The following SETD5 variants were observed in gnomAD, a reference collection of about 807,000 sequenced individuals.
SETD5 encodes SET domain containing 5.
In SETD5, 44 loss-of-function variants were observed where a neutral mutation model predicts 153.3. That is an observed-to-expected ratio of 0.29 (90% CI 0.23 to 0.37). SETD5 has a LOEUF of 0.37. SETD5 is among the 10% of genes least tolerant of loss of function. The pLI is 1.00. For synonymous variants in SETD5, 716 were observed against 645.2 expected (o/e 1.11, Z -1.66); for missense variants, 1,544 against 1,768.0 (o/e 0.87, Z 2.27).
chr3:9,399,806 T>C (rs1165078704), intron 1 of SETD5, among the ~76,000 whole-genome samples: 1 of 149,020 alleles, frequency 6.7e-6, no homozygotes, highest in Non-Finnish European at 1.5e-5. Flanking sequence ...ATTCCAGCCC[T>C]TCTGGCATGG....
At chr3:9,402,319 G>A (rs935258738) in intron 1 of SETD5, among the ~76,000 whole-genome samples, 1 of 152,086 alleles carries the variant, frequency 6.6e-6, no homozygotes, top group African/African-American at 2.4e-5. Flanking sequence ...AATAAACAAT[G>A]AAGGTAAGCT....
At chr3:9,441,200 C>A (rs2041242019) in intron 8 of SETD5, among the ~76,000 whole-genome samples, 1 of 152,056 alleles carries the variant, frequency 6.6e-6, no homozygotes, top group Non-Finnish European at 1.5e-5. Flanking sequence ...AAGAGTGAGA[C>A]CCTGGCTCTA....
In SETD5 at chr3:9,425,377, T is replaced by G. The variant is rs1162752; in HGVS notation, c.-117+851T>G. 4.1e-3 allele frequency among the ~76,000 whole-genome samples: 630 copies of G among 152,254 alleles called. 1 individual carries two copies. Among genetic ancestry groups the G allele is most frequent in the Middle Eastern group, 6.8e-3 (2 of 294 alleles). On this transcript the variant is annotated intron_variant, in intron 2 of 22. Coordinates refer to ENST00000402198, the MANE Select transcript of SETD5 (RefSeq NM_001080517.3). ...CTGCACCGGGCTGACTTAATGTTTC[T>G]TAAGGATTCATCAACTATCCAAAAT...
Position 9,434,195 on chromosome 3 carries a change from C to G in SETD5, c.178-139C>G, listed in dbSNP as rs1316288657. ...AAAAAACAAAGGGTACTACTTTCTT[C>G]TTTCTTTCCATATGTACCATACTTT... On this transcript the variant is annotated intron_variant, in intron 4 of 22. Coordinates refer to ENST00000402198, the MANE Select transcript of SETD5 (RefSeq NM_001080517.3). This position sits in a 1 kb window ranked among gnomAD's most constrained non-coding sequence, Gnocchi z 5.6. The G allele has an allele frequency of 6.5e-7, 1 of 1,550,188 alleles. No individual in the cohort carries two copies. The highest frequency in any genetic ancestry group is 1.4e-5 in the African/African-American group (1 of 73,086).
rs991533421 is a variant in SETD5, at chr3:9,433,442, C to T, written c.72-403C>T. On this transcript the variant is annotated intron_variant, in intron 3 of 22. Coordinates refer to ENST00000402198, the MANE Select transcript of SETD5 (RefSeq NM_001080517.3). ...AGTGCAGAAGGCACTTTGATCATCT[C>T]ACTCACTGCAAATGTCATGTGAGGT... is the stretch of plus-strand genomic sequence containing the variant. 3.1e-6 allele frequency: 4 copies of T among 1,289,654 alleles called. No homozygotes were observed. The African/African-American group carries it at 6.1e-5, about 20-fold the overall frequency. 79.9% of individuals were successfully genotyped at this position (1,289,654 alleles called of 1,614,324 possible). A position where few individuals can be genotyped will look rare whatever the true frequency, so the allele number is the denominator to read the frequency against.
chr3:9,472,887 C>T (rs534988991), intron 19 of SETD5, among the ~76,000 whole-genome samples: 1 of 152,244 alleles, frequency 6.6e-6, no homozygotes, highest in African/African-American at 2.4e-5. Context: ...TCCATTGTTG[C>T]AAATAACTGT....
Position 9,415,085 on chromosome 3 carries a change from A to G in SETD5, c.-176-9382A>G, listed in dbSNP as rs567302587. Among the ~76,000 whole-genome samples the G allele has an allele frequency of 9.2e-5, 14 of 152,312 alleles. No individual in the cohort carries two copies. In the South Asian group the frequency reaches 1.2e-3, roughly 14 times the overall value. ...GAAAACTAACAGATGATTAAAAGAG[A>G]CAGTAACATAAATGGGAAAGTTTAA... On this transcript the variant is annotated intron_variant, in intron 1 of 22. Coordinates refer to ENST00000402198, the MANE Select transcript of SETD5 (RefSeq NM_001080517.3).
chr3:9,418,274 C>T (rs779977544), intron 1 of SETD5, among the ~76,000 whole-genome samples: 11 of 152,184 alleles, frequency 7.2e-5, no homozygotes, highest in Admixed American at 2.0e-4. Context: ...AGTTTATTTG[C>T]ATTTGCAGTC....
At chr3:9,438,612 T>A (rs2040884290) in intron 7 of SETD5, among the ~76,000 whole-genome samples, 1 of 152,190 alleles carries the variant, frequency 6.6e-6, no homozygotes. Flanking sequence ...TTAAAACTCC[T>A]CCAGTGATCC....
Position 9,434,596 on chromosome 3 carries a change from C to T in SETD5, c.329+111C>T. 1 of 1,512,910 alleles carries T rather than the reference C, an allele frequency of 6.6e-7. No homozygotes were observed. The highest frequency in any genetic ancestry group is 8.8e-7 in the Non-Finnish European group (1 of 1,130,474). The allele number at this position is 1,512,910 out of a possible 1,614,324, so 93.7% of individuals were successfully genotyped here. ...CTTGTGTTTGTTAATGTAGATGATT[C>T]CTTAGTGCTCCTTGGCTCGAATTCT... On this transcript the variant is annotated intron_variant, in intron 5 of 22. Coordinates refer to ENST00000402198, the MANE Select transcript of SETD5 (RefSeq NM_001080517.3). The surrounding 1 kb of genome is among the most constrained non-coding windows in gnomAD (Gnocchi z 5.6).
At chr3:9,446,286 CAAAAAAA>C (rs577044895) in intron 13 of SETD5, among the ~76,000 whole-genome samples, 3 of 22,844 alleles carry the variant, frequency 1.3e-4, no homozygotes, top group Non-Finnish European at 3.7e-4. Context: ...GACTCCATCT[CAAAAAAA>C]AAAAAAAAAA....
At chr3:9,433,021 C>T (rs781662710) in intron 3 of SETD5, among the ~76,000 whole-genome samples, 7 of 152,328 alleles carry the variant, frequency 4.6e-5, no homozygotes, top group Middle Eastern at 3.4e-3. Context: ...CTCACCACCA[C>T]ATCTTCCCAC....
chr3:9,470,530 T>C lies in SETD5; in HGVS notation c.2796T>C (p.Asp932=), dbSNP rs985134055. The stretch of plus-strand genomic sequence containing the variant: ...ACTCCAACACTAACAGCTGTGCTGA[T>C]AGACCTTCCCTACTCAACTCAGGTC... ...YLDSNTNSCA[D]RPSLLNSGHS... is the part of the protein sequence containing the mutation. Residue 932 remains aspartate (D), a synonymous_variant, in exon 19 of 23, where the codon GAT becomes GAC. Coordinates refer to ENST00000402198, the MANE Select transcript of SETD5 (RefSeq NM_001080517.3). The C allele has an allele frequency of 3.1e-6, 5 of 1,614,034 alleles. No individual in the cohort carries two copies. Among genetic ancestry groups the C allele is most frequent in the African/African-American group, 2.7e-5 (2 of 75,054 alleles).
At chr3:9,462,142 C>T (rs1196212595) in intron 17 of SETD5, among the ~76,000 whole-genome samples, 1 of 152,184 alleles carries the variant, frequency 6.6e-6, no homozygotes, top group Non-Finnish European at 1.5e-5. Context: ...ACTGTGTTAA[C>T]TCCAGATGGT....
intron 1 of SETD5, among the ~76,000 whole-genome samples, chr3:9,412,929 A>G (rs1335898484): frequency 3.3e-5 from 5 of 150,766 alleles, no homozygotes; most frequent in Admixed American, 6.6e-5. Context: ...AGGTCTTGCT[A>G]TGTTGCCCAG....
In SETD5 at chr3:9,429,019, A is replaced by G. The variant is rs552797859; in HGVS notation, c.71+10A>G. 18 of 1,604,298 alleles carry G rather than the reference A, an allele frequency of 1.1e-5. No homozygotes were observed. Among genetic ancestry groups the G allele is most frequent in the Non-Finnish European group, 1.5e-5 (17 of 1,172,216 alleles). ...TGGCTGCTGGATCAGAGTAAGTGCT[A>G]CTTTCTAGGTAGTAGGTACATTATC... On this transcript the variant is annotated intron_variant, in intron 3 of 22. Transcript: ENST00000402198.
rs754049785 is a variant in SETD5 at position 9,464,631 on chromosome 3, C to T, written c.2683C>T (p.Leu895Phe). The T allele has an allele frequency of 1.2e-5, 19 of 1,613,922 alleles. No homozygotes were observed. Among genetic ancestry groups the T allele is most frequent in the Non-Finnish European group, 1.6e-5 (19 of 1,179,910 alleles). Reference protein sequence around the residue: ...YSLMFSPVTSLTTASRCNTPL... With the variant: ...YSLMFSPVTSFTTASRCNTPL... ...CCTCATGTTTTCACCAGTCACATCTCTTACTACTGCTAGTCGCTGCAACAC... is the reference window on the plus strand; with the variant it reads ...CCTCATGTTTTCACCAGTCACATCTTTTACTACTGCTAGTCGCTGCAACAC... The change falls in exon 18 of 23, where the codon CTT becomes TTT. Residue 895 changes from leucine to phenylalanine, a missense_variant. Transcript: ENST00000402198.
intron 7 of SETD5, among the ~76,000 whole-genome samples, chr3:9,438,250 G>A (rs1559408929): frequency 1.3e-5 from 2 of 152,128 alleles, no homozygotes; most frequent in East Asian, 1.9e-4. Flanking sequence ...TGCTGGATCC[G>A]TCTCTTGCAA....
Position 9,445,248 on chromosome 3 carries a change from A to G in SETD5, c.1388A>G (p.Asp463Gly). ...QQNEASEENN[D>G]QQSQEVPEKV... ...AATGAGGCTTCAGAGGAGAATAATGACCAGCAATCACAAGAAGTTCCAGAA... is the reference window on the plus strand; with the variant it reads ...AATGAGGCTTCAGAGGAGAATAATGGCCAGCAATCACAAGAAGTTCCAGAA... Residue 463 changes from aspartate (D) to glycine (G), a missense_variant, in exon 12 of 23, where the codon GAC becomes GGC. By Grantham distance (94) the Asp-to-Gly change is moderately conservative (BLOSUM62 -1). This residue lies in a region of SETD5 where 782 missense variants were observed against 787.2 expected (regional missense o/e 0.99). Coordinates refer to ENST00000402198, the MANE Select transcript of SETD5 (RefSeq NM_001080517.3). 1 of 1,611,114 alleles carries G rather than the reference A, an allele frequency of 6.2e-7. No homozygotes were observed. The highest frequency in any genetic ancestry group is 1.1e-5 in the South Asian group (1 of 90,716).
Sources: gnomAD v4.1 joint callset for allele counts (sites outside exome capture counted in the v4.1 genomes callset) on GRCh38, gnomAD v4.1.1 for gene constraint, gnomAD v4.1.1 regional missense constraint, Gnocchi (gnomAD v3.1) non-coding constraint, MANE v1.5 for transcripts, NCBI Gene and HGNC (gene_info 2026-07-23, HGNC 2026-07-21) for gene names.